The following EPB41L3 variants were observed in gnomAD, a reference collection of about 807,000 sequenced individuals.
EPB41L3 encodes the protein band 4.1-like protein 3.
Under a neutral mutation model 127.1 loss-of-function variants are expected in EPB41L3, and 57 were observed. That is an observed-to-expected ratio of 0.45 (90% CI 0.36 to 0.56). The LOEUF is 0.56. Among genes scored for constraint, EPB41L3 ranks in the 20% least tolerant of loss-of-function variants. EPB41L3 has a pLI of 0.00. For missense variants in EPB41L3, 1,273 were observed against 1,372.2 expected, an observed-to-expected ratio of 0.93 and a Z score of 1.14; for synonymous variants, 572 against 549.5, an observed-to-expected ratio of 1.04 and a Z score of -0.57.
intron 3 of EPB41L3, among the ~76,000 whole-genome samples, chr18:5,574,562 C>T (rs143910678): frequency 6.6e-6 from 1 of 152,016 alleles, no homozygotes; most frequent in East Asian, 1.9e-4. Flanking sequence ...GTTTCCCCTC[C>T]TCATGCTAAA....
intron 3 of EPB41L3, among the ~76,000 whole-genome samples, chr18:5,464,042 C>T (rs943688760): frequency 6.6e-6 from 1 of 152,142 alleles, no homozygotes; most frequent in South Asian, 2.1e-4. Context: ...GGGCTTTCCA[C>T]TCCAGCTCAT....
intron 3 of EPB41L3, among the ~76,000 whole-genome samples, chr18:5,588,151 T>C (rs186635351): frequency 1.6e-3 from 241 of 152,312 alleles, no homozygotes; most frequent in Non-Finnish European, 2.9e-3. Context: ...AGGAGTCATA[T>C]ACATTCCTGT....
At chr18:5,420,088 A>C in intron 11 of EPB41L3, 1 of 975,942 alleles carries the variant, frequency 1.0e-6, no homozygotes, top group Non-Finnish European at 1.5e-6. Context: ...GACCTTCATG[A>C]GAGCATGACC....
rs139078158 is a variant in EPB41L3, at chr18:5,406,785, G to A, written c.2341C>T (p.Pro781Ser). The A allele has an allele frequency of 8.8e-4, 1,425 of 1,613,876 alleles. 3 individuals carry two copies. The highest frequency in any genetic ancestry group is 1.0e-3 in the Non-Finnish European group (1,234 of 1,179,874). The change falls in exon 16 of 23, where the codon CCT (proline) becomes TCT (serine). Residue 781 changes from proline to serine, a missense_variant. Physicochemically the swap from Pro to Ser is moderately conservative, Grantham distance 74 (BLOSUM62 -1). Around this residue, in one of 3 missense-constraint regions of EPB41L3, gnomAD observed 765 missense variants for 782.9 expected, o/e 0.98. Transcript: ENST00000341928. ...CAAACCTGACTACTGACCTCTTCAG[G>A]GACAAGTGGTTCGATCATGGGGGCA... ...EDAPMIEPLVPEETKQSSGEK... is the reference protein window; with the variant it reads ...EDAPMIEPLVSEETKQSSGEK...
intron 3 of EPB41L3, among the ~76,000 whole-genome samples, chr18:5,556,925 C>T (rs1316568468): frequency 2.0e-5 from 3 of 152,294 alleles, no homozygotes; most frequent in South Asian, 2.1e-4. Flanking sequence ...ACGGTGATGA[C>T]GGGGGCTCAC....
chr18:5,600,638 A>C (rs900857815), intron 3 of EPB41L3, among the ~76,000 whole-genome samples: 1 of 152,210 alleles, frequency 6.6e-6, no homozygotes, highest in African/African-American at 2.4e-5. Flanking sequence ...AAAACATTAC[A>C]ATTACAATCA....
intron 1 of EPB41L3, among the ~76,000 whole-genome samples, chr18:5,615,606 T>C (rs1412405501): frequency 6.6e-6 from 1 of 151,982 alleles, no homozygotes; most frequent in Non-Finnish European, 1.5e-5. Flanking sequence ...ACTCCAGAAG[T>C]TGTGGGAAAG....
chr18:5,531,295 G>T, intron 1 of EPB41L3, among the ~76,000 whole-genome samples: 1 of 152,306 alleles, frequency 6.6e-6, no homozygotes, highest in East Asian at 1.9e-4. Flanking sequence ...AGTTGTCACA[G>T]CCAAATTCTG....
At position 5,397,016 on chromosome 18, in the gene EPB41L3, A is replaced by C. The variant is rs926022520; in HGVS notation, c.2841+42T>G. On this transcript the variant is annotated intron_variant, in intron 18 of 22. Coordinates refer to ENST00000341928, the MANE Select transcript of EPB41L3 (RefSeq NM_012307.5). This position sits in a 1 kb window ranked among gnomAD's most constrained non-coding sequence, Gnocchi z 4.1. ...TCTAAATTTCCAGGCATCCTATATCAGTTTTATTTTAGTGATAAAAGTAAC... is the reference window on the plus strand; with the variant it reads ...TCTAAATTTCCAGGCATCCTATATCCGTTTTATTTTAGTGATAAAAGTAAC... 2.6e-6 allele frequency: 4 copies of C among 1,528,764 alleles called. No individual in the cohort carries two copies. The highest frequency in any genetic ancestry group is 2.6e-6 in the Non-Finnish European group (3 of 1,143,988). The allele number at this position is 1,528,764 out of a possible 1,614,324, so 94.7% of individuals were successfully genotyped here.
At chr18:5,618,568 C>T (rs949266884) in intron 1 of EPB41L3, among the ~76,000 whole-genome samples, 1 of 152,186 alleles carries the variant, frequency 6.6e-6, no homozygotes, top group African/African-American at 2.4e-5. Flanking sequence ...AGGTCATTGA[C>T]CTTGGCTTCC....
chr18:5,599,750 G>C (rs1599222301), intron 3 of EPB41L3, among the ~76,000 whole-genome samples: 1 of 152,236 alleles, frequency 6.6e-6, no homozygotes, highest in Non-Finnish European at 1.5e-5. Context: ...AAGCCTAGCA[G>C]AAGCCACTAT....
intron 12 of EPB41L3, among the ~76,000 whole-genome samples, chr18:5,419,328 G>A (rs538661734): frequency 1.3e-3 from 196 of 152,242 alleles, no homozygotes; most frequent in Non-Finnish European, 2.5e-3. Flanking sequence ...TGTATATCTA[G>A]AAAAATATGC....
intron 3 of EPB41L3, among the ~76,000 whole-genome samples, chr18:5,560,794 G>A (rs577708318): frequency 7.2e-5 from 11 of 152,126 alleles, no homozygotes; most frequent in Non-Finnish European, 1.2e-4. Flanking sequence ...TGGGGAGAAC[G>A]AAGGACTTAC....
chr18:5,428,970 T>G (rs543268006), intron 8 of EPB41L3, among the ~76,000 whole-genome samples: 1 of 152,350 alleles, frequency 6.6e-6, no homozygotes, highest in East Asian at 1.9e-4. Context: ...GGACCCTGTC[T>G]TTTCCTATGA....
At chr18:5,574,820 G>C (rs1265773763) in intron 3 of EPB41L3, among the ~76,000 whole-genome samples, 2 of 152,134 alleles carry the variant, frequency 1.3e-5, no homozygotes, top group African/African-American at 4.8e-5. Flanking sequence ...CTTTGCCCCT[G>C]TGCACCTTTT....
chr18:5,466,841 A>G (rs1279676443), intron 3 of EPB41L3, among the ~76,000 whole-genome samples: 1 of 152,240 alleles, frequency 6.6e-6, no homozygotes, highest in Non-Finnish European at 1.5e-5. Flanking sequence ...TGATGACAGC[A>G]GCCTGCTTCC....
rs59205717 is a variant in EPB41L3, at chr18:5,605,214, C to T, written c.-306+7126G>A. On this transcript the variant is annotated intron_variant, in intron 3 of 21. Transcript: ENST00000545076. ...ACTACAACCAGCCCAACTTCTCCCT[C>T]TGCCCAGCCCTGCTTTCTTCCTTAG... 1.9e-4 allele frequency among the ~76,000 whole-genome samples: 29 copies of T among 152,270 alleles called. 1 individual carries two copies. The East Asian group carries it at 4.8e-3, about 25-fold the overall frequency.
intron 3 of EPB41L3, among the ~76,000 whole-genome samples, chr18:5,594,111 G>T (rs1457436080): frequency 1.3e-5 from 2 of 152,200 alleles, no homozygotes; most frequent in Admixed American, 1.3e-4. Context: ...CAAGGGTATT[G>T]ACTGGGGAAG....
At chr18:5,520,456 T>A (rs2092939921) in intron 1 of EPB41L3, among the ~76,000 whole-genome samples, 1 of 152,078 alleles carries the variant, frequency 6.6e-6, no homozygotes, top group Admixed American at 6.6e-5. Context: ...TAACAATCTA[T>A]TATTTGGGAG....
Sources: allele counts gnomAD v4.1 joint callset (sites outside exome capture counted in the v4.1 genomes callset), GRCh38; gene constraint gnomAD v4.1.1; regional missense constraint gnomAD v4.1.1; non-coding constraint Gnocchi (gnomAD v3.1); transcripts MANE v1.5; gene names NCBI Gene and HGNC (gene_info 2026-07-23, HGNC 2026-07-21).